MDN1: variants seen among roughly 807,000 people sequenced by gnomAD.
MDN1 encodes the protein midasin AAA ATPase 1.
A neutral mutation model predicts 669.2 loss-of-function variants in MDN1; 266 were observed. The observed-to-expected ratio is 0.40, with a 90% confidence interval of 0.36 to 0.44. MDN1 has a LOEUF of 0.44. Ranked by LOEUF, MDN1 falls within the 20% of genes least tolerant of loss-of-function variation. The pLI is 1.00. For synonymous variants in MDN1, 2,385 were observed against 2,457.1 expected (o/e 0.97, Z 0.87); for missense variants, 5,940 against 6,754.0 (o/e 0.88, Z 4.22).
chr6:89,804,604 G>C (rs959642492), intron 1 of MDN1, among the ~76,000 whole-genome samples: 4 of 152,164 alleles, frequency 2.6e-5, no homozygotes, highest in Non-Finnish European at 4.4e-5. Context: ...GGAAAGGACA[G>C]AGGTAAAAAA....
At chr6:89,796,324 CAAAAAAAA>C (rs35169575) in intron 2 of MDN1, among the ~76,000 whole-genome samples, 1 of 45,388 alleles carries the variant, frequency 2.2e-5, no homozygotes, top group Non-Finnish European at 3.5e-5. Flanking sequence ...AACTCTGTCT[CAAAAAAAA>C]AAAAAAAAAA....
intron 85 of MDN1, among the ~76,000 whole-genome samples, chr6:89,663,621 G>C (rs1025119790): frequency 6.6e-6 from 1 of 152,102 alleles, no homozygotes; most frequent in Admixed American, 6.5e-5. Flanking sequence ...ATGACAGGGA[G>C]AATGTTCATA....
At chr6:89,769,696 G>A (rs1254947389) in intron 15 of MDN1, among the ~76,000 whole-genome samples, 1 of 152,124 alleles carries the variant, frequency 6.6e-6, no homozygotes, top group Non-Finnish European at 1.5e-5. Flanking sequence ...CACCAAGTTG[G>A]CACCAAAACC....
At chr6:89,644,824 T>TAC (rs1351049193) in intron 101 of MDN1, among the ~76,000 whole-genome samples, 191 bp downstream of exon 101, 1 of 152,238 alleles carries the variant, frequency 6.6e-6, no homozygotes, top group Non-Finnish European at 1.5e-5. Flanking sequence ...TAATGATCCC[T>TAC]ACCTCACTGG....
intron 88 of MDN1, among the ~76,000 whole-genome samples, chr6:89,661,100 C>T (rs1809726562): frequency 6.6e-6 from 1 of 152,212 alleles, no homozygotes; most frequent in African/African-American, 2.4e-5. Flanking sequence ...CCAGACTGCA[C>T]AGCGTTTACA....
At position 89,699,623 on chromosome 6, in the gene MDN1, C is replaced by T. The variant is rs1186242256; in HGVS notation, c.8975G>A (p.Trp2992Ter). 6.2e-7 allele frequency: 1 copy of T among 1,613,608 alleles called. No homozygotes were observed. Among genetic ancestry groups the T allele is most frequent in the Non-Finnish European group, 8.5e-7 (1 of 1,179,834 alleles). The change falls in exon 58 of 102, where the codon TGG becomes TAG. Residue 2992 changes from tryptophan (W) to a stop codon, truncating the protein, a stop_gained. Transcript: ENST00000369393. LOFTEE classifies it high-confidence loss of function. ...PVTPQELRDL[W>*]SLLHHQKVSP... ...TACCTTCTGATGATGCAGCAAGGAC[C>T]ACAGATCTCGAAGCTCTTGAGGTGT... is the stretch of plus-strand genomic sequence containing the variant.
intron 1 of MDN1, among the ~76,000 whole-genome samples, chr6:89,808,391 G>A (rs1316174787): frequency 6.6e-6 from 1 of 152,016 alleles, no homozygotes; most frequent in Non-Finnish European, 1.5e-5. Flanking sequence ...GTCTAGAAAG[G>A]CCTTTGAGGG....
Position 89,762,408 on chromosome 6 carries a change from T to C in MDN1, c.2267A>G (p.Tyr756Cys), listed in dbSNP as rs774245916. 1.1e-5 allele frequency: 17 copies of C among 1,614,172 alleles called. No homozygotes were observed. The South Asian group carries it at 1.5e-4, about 15-fold the overall frequency. ...FTFLGHIQTC[Y>C]RQKRWHDLLR... ...GAGATCATGCCACCGTTTCTGTCTG[T>C]AACAGGTCTGAATGTGCCCCAAGAA... is the stretch of plus-strand genomic sequence containing the variant. The change falls in exon 16 of 102, where the codon TAC becomes TGC. Residue 756 changes from tyrosine (Y) to cysteine (C), a missense_variant. Tyr to Cys is a radical substitution (Grantham distance 194). Around this residue, in one of 5 missense-constraint regions of MDN1, gnomAD observed 1,203 missense variants for 1,268.9 expected, o/e 0.95. Transcript: ENST00000369393.
rs139199274 is a variant in MDN1 at position 89,753,495 on chromosome 6, A to ATT, written c.3075+16_3075+17insAA. The stretch of plus-strand genomic sequence containing the variant: ...GCCTTTCAAGTGTAACAAGTCAAAA[A>ATT]TAACAAAAGAACATACCTGCTTCAG... On this transcript the variant is annotated intron_variant, in intron 22 of 101. Coordinates refer to ENST00000369393, the MANE Select transcript of MDN1 (RefSeq NM_014611.3). The ATT allele has an allele frequency of 4.4e-3, 6,856 of 1,575,108 alleles. 29 individuals are homozygous for ATT. The highest frequency in any genetic ancestry group is 7.7e-3 in the Middle Eastern group (46 of 5,954).
At chr6:89,761,451 T>A (rs1042508559) in intron 17 of MDN1, among the ~76,000 whole-genome samples, 194 bp downstream of exon 17, 3 of 152,200 alleles carry the variant, frequency 2.0e-5, no homozygotes, top group Non-Finnish European at 2.9e-5. Context: ...ATTTGTACTT[T>A]TAAAATTTTT....
At chr6:89,678,048 T>G (rs938812327) in intron 75 of MDN1, among the ~76,000 whole-genome samples, 1 of 151,702 alleles carries the variant, frequency 6.6e-6, no homozygotes, top group Non-Finnish European at 1.5e-5. Context: ...CTGAGGCGGG[T>G]GGATCACGAG....
At chr6:89,819,359 T>C in intron 1 of MDN1, 147 bp downstream of exon 1, 1 of 750,184 alleles carries the variant, frequency 1.3e-6, no homozygotes, top group Non-Finnish European at 2.2e-6. Context: ...CTCCACGACC[T>C]GCGCCAGCCC....
intron 24 of MDN1, 47 bp downstream of exon 24, chr6:89,750,307 G>T: frequency 1.3e-6 from 2 of 1,516,548 alleles, no homozygotes; most frequent in Non-Finnish European, 1.8e-6. Context: ...GGAAATGTGT[G>T]TGAAAGAATA....
At chr6:89,749,133 A>T in intron 26 of MDN1, 90 bp downstream of exon 26, 1 of 1,238,486 alleles carries the variant, frequency 8.1e-7, no homozygotes, top group Non-Finnish European at 1.1e-6. Context: ...GGAAAAATAC[A>T]TCAACAGACA....
chr6:89,752,833 T>C (rs1020020893), intron 22 of MDN1, among the ~76,000 whole-genome samples: 6 of 152,100 alleles, frequency 3.9e-5, no homozygotes, highest in Admixed American at 6.5e-5. Flanking sequence ...AGCTACAGAA[T>C]ATTCTTATGG....
rs536567547 is a variant in MDN1 at position 89,715,551 on chromosome 6, A to G, written c.6860+102T>C. On this transcript the variant is annotated intron_variant, in intron 45 of 101. Transcript: ENST00000369393. ...TAATAAATGGGTGAACTTCTCCATG[A>G]TTCAGTTTATAAATAAAATATATAA... 6 of 749,876 alleles carry G rather than the reference A, an allele frequency of 8.0e-6. No individual in the cohort carries two copies. The East Asian group carries it at 1.0e-4, about 13-fold the overall frequency. The allele number at this position is 749,876 out of a possible 1,614,324, so 46.5% of individuals were successfully genotyped here. A position where few individuals can be genotyped will look rare whatever the true frequency, so the allele number is the denominator to read the frequency against.
chr6:89,769,971 G>A (rs1467064796), intron 15 of MDN1, among the ~76,000 whole-genome samples: 3 of 152,120 alleles, frequency 2.0e-5, no homozygotes, highest in Non-Finnish European at 2.9e-5. Context: ...GGTGGCTTAT[G>A]CCTGTAGTCC....
At chr6:89,810,063 G>A (rs1228879672) in intron 1 of MDN1, among the ~76,000 whole-genome samples, 1 of 148,386 alleles carries the variant, frequency 6.7e-6, no homozygotes, top group Non-Finnish European at 1.5e-5. Context: ...ATATTAATAT[G>A]GGCAGTCCCT....
chr6:89,664,620 A>G lies in MDN1; in HGVS notation c.14103T>C (p.Asp4701=), dbSNP rs746013548. Residue 4701 remains aspartate (D), a synonymous_variant, in exon 85 of 102, where the codon GAT becomes GAC. Transcript: ENST00000369393. ...CTTTTTCTTGACCCTTCTGAAATGTATCTTCCACCTACATAAAGAAGTATT... is the reference window on the plus strand; with the variant it reads ...CTTTTTCTTGACCCTTCTGAAATGTGTCTTCCACCTACATAAAGAAGTATT... ...DQIGNEEQVE[D]TFQKGQEKDK... 2 of 1,608,058 alleles carry G rather than the reference A, an allele frequency of 1.2e-6. No homozygotes were observed. Among genetic ancestry groups the G allele is most frequent in the Non-Finnish European group, 1.7e-6 (2 of 1,175,794 alleles).
Sources: allele counts gnomAD v4.1 joint callset (sites outside exome capture counted in the v4.1 genomes callset), GRCh38; gene constraint gnomAD v4.1.1; regional missense constraint gnomAD v4.1.1; transcripts MANE v1.5; gene names NCBI Gene and HGNC (gene_info 2026-07-23, HGNC 2026-07-21).